DNM3: variants seen among roughly 807,000 people sequenced by gnomAD.
The protein encoded by DNM3 is dynamin 3, also known as dynamin-3.
In DNM3, 47 loss-of-function variants were observed where a neutral mutation model predicts 101.6. The observed-to-expected ratio is 0.46, with a 90% CI of 0.37 to 0.59. DNM3 has a LOEUF of 0.59. Among genes scored for constraint, DNM3 ranks in the 20% least tolerant of loss-of-function variants. DNM3 has a pLI of 0.00. For missense variants in DNM3, 849 were observed against 1,085.7 expected (o/e 0.78, Z 3.06); for synonymous variants, 385 against 387.9 (o/e 0.99, Z 0.09).
intron 17 of DNM3, chr1:172,366,764 C>T (rs1157721671): frequency 6.6e-6 from 1 of 151,498 alleles, no homozygotes; most frequent in African/African-American, 2.4e-5. Flanking sequence ...CAGCAATAGA[C>T]CAGATCAACC....
intron 20 of DNM3, among the ~76,000 whole-genome samples, chr1:172,395,757 T>C (rs2069933868): frequency 6.6e-6 from 1 of 152,258 alleles, no homozygotes; most frequent in Middle Eastern, 3.2e-3. Flanking sequence ...GGGGAACCCC[T>C]GAATCTAAAC....
chr1:172,247,844 C>G (rs2062020046), intron 14 of DNM3, among the ~76,000 whole-genome samples: 1 of 151,964 alleles, frequency 6.6e-6, no homozygotes, highest in Middle Eastern at 3.4e-3. Context: ...ACCACCACAC[C>G]CAGCTAATTT....
intron 2 of DNM3, among the ~76,000 whole-genome samples, chr1:171,935,788 T>TTTG (rs1268184421): frequency 7.0e-6 from 1 of 142,278 alleles, no homozygotes; most frequent in Non-Finnish European, 1.5e-5. Context: ...TTTTTTTTTT[T>TTTG]TTTTTTTTGC....
intron 14 of DNM3, among the ~76,000 whole-genome samples, chr1:172,229,603 AC>A (rs2061257559): frequency 6.6e-6 from 1 of 152,132 alleles, no homozygotes. Flanking sequence ...TCTAGCAATA[AC>A]TTTTTGAATT....
At chr1:171,943,503 G>C (rs2041955116) in intron 2 of DNM3, among the ~76,000 whole-genome samples, 1 of 152,080 alleles carries the variant, frequency 6.6e-6, no homozygotes, top group African/African-American at 2.4e-5. Context: ...TAAAACCTTG[G>C]TCTCCACAAC....
intron 4 of DNM3, among the ~76,000 whole-genome samples, chr1:172,020,315 A>T (rs989555407): frequency 1.3e-5 from 2 of 152,180 alleles, no homozygotes; most frequent in African/African-American, 4.8e-5. Context: ...ATAGAAGGCT[A>T]GAGCAAGCTG....
intron 14 of DNM3, among the ~76,000 whole-genome samples, chr1:172,140,767 C>T (rs2057532819): frequency 6.6e-6 from 1 of 151,770 alleles, no homozygotes; most frequent in South Asian, 2.1e-4. Context: ...GGCTTTTGGA[C>T]AATTTATGTT....
intron 15 of DNM3, among the ~76,000 whole-genome samples, chr1:172,278,209 T>C (rs748485060): frequency 6.6e-6 from 1 of 151,710 alleles, no homozygotes; most frequent in Non-Finnish European, 1.5e-5. Context: ...ATAGCTATGG[T>C]TTTTTTTCTG....
At chr1:171,965,683 G>T (rs529704145) in intron 2 of DNM3, among the ~76,000 whole-genome samples, 1 of 152,130 alleles carries the variant, frequency 6.6e-6, no homozygotes, top group South Asian at 2.1e-4. Context: ...TAGTTGAGGC[G>T]TGTCCCCCTC....
At chr1:172,147,724 A>G (rs2057966687) in intron 14 of DNM3, among the ~76,000 whole-genome samples, 1 of 152,062 alleles carries the variant, frequency 6.6e-6, no homozygotes, top group Non-Finnish European at 1.5e-5. Context: ...TTTTTTTGTT[A>G]CAAGATTAGT....
chr1:172,087,524 C>T (rs1483661319), intron 12 of DNM3, among the ~76,000 whole-genome samples: 4 of 152,160 alleles, frequency 2.6e-5, no homozygotes, highest in African/African-American at 9.7e-5. Flanking sequence ...AACTCCTCAT[C>T]TGCTCTTATA....
intron 14 of DNM3, among the ~76,000 whole-genome samples, chr1:172,240,090 C>CTTAA (rs1345803865): frequency 6.6e-6 from 1 of 152,038 alleles, no homozygotes; most frequent in African/African-American, 2.4e-5. Context: ...GAGAAGGGCT[C>CTTAA]TTAACTAAAG....
chr1:172,304,226 G>T (rs1236444157), intron 15 of DNM3, among the ~76,000 whole-genome samples: 1 of 75,474 alleles, frequency 1.3e-5, no homozygotes, highest in Non-Finnish European at 2.3e-5. Flanking sequence ...AAAAAAACAG[G>T]AGTTGCAATC....
intron 16 of DNM3, among the ~76,000 whole-genome samples, chr1:172,322,914 T>C (rs929861214): frequency 6.6e-6 from 1 of 152,056 alleles, no homozygotes; most frequent in African/African-American, 2.4e-5. Flanking sequence ...CTTGGCATGT[T>C]GGAGGAGGAG....
chr1:171,966,907 C>A (rs933555534), intron 2 of DNM3, among the ~76,000 whole-genome samples: 2 of 152,090 alleles, frequency 1.3e-5, no homozygotes, highest in African/African-American at 4.8e-5. Flanking sequence ...ATAAAGCCAG[C>A]CTTCTGTTCA....
intron 14 of DNM3, among the ~76,000 whole-genome samples, chr1:172,165,738 A>G (rs1228236015): frequency 6.6e-6 from 1 of 152,152 alleles, no homozygotes; most frequent in Non-Finnish European, 1.5e-5. Flanking sequence ...AATGTTGCAT[A>G]GAAATCTTTA....
intron 14 of DNM3, among the ~76,000 whole-genome samples, chr1:172,146,252 TC>T (rs1441633891): frequency 6.6e-6 from 1 of 152,202 alleles, no homozygotes; most frequent in Non-Finnish European, 1.5e-5. Flanking sequence ...GTGAGTACTG[TC>T]CTAAAGCATT....
chr1:172,021,178 A>G (rs2047826207), intron 4 of DNM3, among the ~76,000 whole-genome samples: 1 of 152,196 alleles, frequency 6.6e-6, no homozygotes, highest in Non-Finnish European at 1.5e-5. Flanking sequence ...ATCTTTCATA[A>G]AGGAAGCCTT....
chr1:171,974,681 T>C (rs1163026434), intron 2 of DNM3, among the ~76,000 whole-genome samples: 3 of 152,248 alleles, frequency 2.0e-5, no homozygotes, highest in Admixed American at 6.5e-5. Context: ...GCTATTCTTG[T>C]AAGAATCCTC....
Sources: allele counts gnomAD v4.1 joint callset (sites outside exome capture counted in the v4.1 genomes callset), GRCh38; gene constraint gnomAD v4.1.1; transcripts MANE v1.5; gene names NCBI Gene and HGNC (gene_info 2026-07-23, HGNC 2026-07-21).